RAB39A: variants seen among roughly 807,000 people sequenced by gnomAD.
RAB39A encodes the protein ras-related protein Rab-39A.
Under a neutral mutation model 20.9 loss-of-function variants are expected in RAB39A, and 17 were observed. That is an observed-to-expected ratio of 0.81 (90% CI 0.56 to 1.22). RAB39A has a LOEUF of 1.22. Among genes scored for constraint, RAB39A ranks in the 50% most tolerant of loss-of-function variants. RAB39A has a pLI of 0.00. For missense variants in RAB39A, 234 were observed against 270.5 expected, an observed-to-expected ratio of 0.87 and a Z score of 0.95; for synonymous variants, 99 against 103.4, an observed-to-expected ratio of 0.96 and a Z score of 0.26.
intron 1 of RAB39A, among the ~76,000 whole-genome samples, chr11:107,961,609 C>G (rs992438323): frequency 3.3e-5 from 5 of 152,134 alleles, no homozygotes; most frequent in African/African-American, 1.2e-4. Context: ...TTTACTCAGT[C>G]TTTCAATATG....
intron 1 of RAB39A, among the ~76,000 whole-genome samples, chr11:107,933,806 G>A (rs956320743): frequency 2.6e-5 from 4 of 151,192 alleles, no homozygotes; most frequent in African/African-American, 7.3e-5. Context: ...GATTACAGGC[G>A]CCCCAAGCTC....
chr11:107,928,512 G>T lies in RAB39A; in HGVS notation c.-57G>T. 2 of 1,329,586 alleles carry T rather than the reference G, an allele frequency of 1.5e-6. No homozygotes were observed. Among genetic ancestry groups the T allele is most frequent in the Non-Finnish European group, 1.0e-6 (1 of 1,004,940 alleles). The allele number at this position is 1,329,586 out of a possible 1,614,324, so 82.4% of individuals were successfully genotyped here. A position where few individuals can be genotyped will look rare whatever the true frequency, so the allele number is the denominator to read the frequency against. On this transcript the variant is annotated 5_prime_UTR_variant, in exon 1 of 2. Transcript: ENST00000320578. The surrounding 1 kb of genome is among the most constrained non-coding windows in gnomAD (Gnocchi z 4.9). ...GCGAGGTGCTGAAAGGACAGTTCCC[G>T]CCGCCGAACTTAGCCCGCGGGTGGG... is the stretch of plus-strand genomic sequence containing the variant.
Position 107,962,044 on chromosome 11 carries a change from A to G in RAB39A, c.326A>G (p.Glu109Gly). 6.2e-7 allele frequency: 1 copy of G among 1,614,140 alleles called. No individual in the cohort carries two copies. The highest frequency in any genetic ancestry group is 8.5e-7 in the Non-Finnish European group (1 of 1,180,000). ...TTTGAACATGTGAAAGATTGGCTAG[A>G]AGAAGCAAAAATGTATGTACAGCCA... ...RSFEHVKDWL[E>G]EAKMYVQPFR... is the part of the protein sequence containing the mutation. Residue 109 changes from glutamate (E) to glycine (G), a missense_variant, in exon 2 of 2, where the codon GAA becomes GGA. By Grantham distance (98) the Glu-to-Gly change is moderately conservative. Coordinates refer to ENST00000320578, the MANE Select transcript of RAB39A (RefSeq NM_017516.3).
At chr11:107,936,281 T>C (rs1270141879) in intron 1 of RAB39A, among the ~76,000 whole-genome samples, 1 of 152,148 alleles carries the variant, frequency 6.6e-6, no homozygotes, top group Non-Finnish European at 1.5e-5. Flanking sequence ...CTTATTTTTA[T>C]TTTTTCTTTA....
Position 107,928,669 on chromosome 11 carries a change from C to T in RAB39A, c.101C>T (p.Pro34Leu). ...CACCGCTTCACCCAGGGCCGCTTCC[C>T]CGGGCTGCGCTCCCCCGCCTGCGAC... ...LLHRFTQGRF[P>L]GLRSPACDPT... Residue 34 changes from proline to leucine, a missense_variant, in exon 1 of 2, where the codon CCC becomes CTC. Coordinates refer to ENST00000320578, the MANE Select transcript of RAB39A (RefSeq NM_017516.3). The surrounding 1 kb of genome is among the most constrained non-coding windows in gnomAD (Gnocchi z 4.9). 2 of 1,612,536 alleles carry T rather than the reference C, an allele frequency of 1.2e-6. No individual in the cohort carries two copies. Among genetic ancestry groups the T allele is most frequent in the Non-Finnish European group, 1.7e-6 (2 of 1,179,136 alleles).
rs1197947232 is a variant in RAB39A at position 107,963,234 on chromosome 11, C to A, written c.*862C>A. On this transcript the variant is annotated 3_prime_UTR_variant, in exon 2 of 2. Coordinates refer to ENST00000320578, the MANE Select transcript of RAB39A (RefSeq NM_017516.3). ...TGCAGATGTGCGCCACCATGCCCGG[C>A]TAATTTTTGTATTATAAGTAGACAC... The A allele has an allele frequency of 1.3e-5, 2 of 151,996 alleles. No individual in the cohort carries two copies. Among genetic ancestry groups the A allele is most frequent in the Non-Finnish European group, 1.5e-5 (1 of 68,020 alleles). The allele number at this position is 151,996 out of a possible 1,614,324, so 9.4% of individuals were successfully genotyped here.
chr11:107,960,310 G>A (rs1861482854), intron 1 of RAB39A, among the ~76,000 whole-genome samples: 1 of 152,072 alleles, frequency 6.6e-6, no homozygotes, highest in Admixed American at 6.6e-5. Context: ...AGCATATCAA[G>A]AAAATTAAGA....
chr11:107,936,024 C>G (rs915254856), intron 1 of RAB39A, among the ~76,000 whole-genome samples: 15 of 151,048 alleles, frequency 9.9e-5, no homozygotes, highest in African/African-American at 2.2e-4. Flanking sequence ...TCCAGCCTCC[C>G]AAGTAGCTGG....
intron 1 of RAB39A, among the ~76,000 whole-genome samples, chr11:107,937,523 G>A (rs535075646): frequency 1.3e-5 from 2 of 151,246 alleles, no homozygotes; most frequent in African/African-American, 4.8e-5. Flanking sequence ...GTGTTTGGAA[G>A]TATGGAATTA....
chr11:107,958,986 G>C (rs893879441), intron 1 of RAB39A, among the ~76,000 whole-genome samples: 2 of 151,950 alleles, frequency 1.3e-5, no homozygotes, highest in African/African-American at 2.4e-5. Context: ...TGGGCATGGT[G>C]GTGGGCGCCT....
chr11:107,946,087 G>A (rs1457965509), intron 1 of RAB39A, among the ~76,000 whole-genome samples: 3 of 151,800 alleles, frequency 2.0e-5, no homozygotes, highest in Non-Finnish European at 4.4e-5. Flanking sequence ...TCATCTTACA[G>A]TGAGGCATTT....
chr11:107,958,750 T>G (rs1046805270), intron 1 of RAB39A, among the ~76,000 whole-genome samples: 1 of 152,090 alleles, frequency 6.6e-6, no homozygotes, highest in Non-Finnish European at 1.5e-5. Flanking sequence ...TCTAAATGTG[T>G]TTTCAAAATT....
At chr11:107,943,735 A>C (rs1470857482) in intron 1 of RAB39A, among the ~76,000 whole-genome samples, 2 of 152,202 alleles carry the variant, frequency 1.3e-5, no homozygotes, top group African/African-American at 4.8e-5. Context: ...TCCAGGCTAC[A>C]CTGCTATAAC....
At chr11:107,949,939 G>C (rs1861358187) in intron 1 of RAB39A, among the ~76,000 whole-genome samples, 1 of 151,810 alleles carries the variant, frequency 6.6e-6, no homozygotes, top group Admixed American at 6.6e-5. Context: ...TTGGGAGGCC[G>C]AGGCGGGCGT....
intron 1 of RAB39A, among the ~76,000 whole-genome samples, chr11:107,957,170 C>A (rs565174993): frequency 4.6e-5 from 7 of 152,304 alleles, no homozygotes; most frequent in African/African-American, 1.7e-4. Context: ...TGACACCAGG[C>A]AGCTCATCCA....
Position 107,935,378 on chromosome 11 carries a change from CT to C in RAB39A, c.227+6596del, listed in dbSNP as rs1160701453. 3.6e-3 allele frequency among the ~76,000 whole-genome samples: 514 copies of C among 142,066 alleles called. 2 individuals are homozygous for C. Among genetic ancestry groups the C allele is most frequent in the Middle Eastern group, 0.011 (3 of 280 alleles). 93.2% of individuals were successfully genotyped at this position (142,066 alleles called of 152,430 possible). A position where few individuals can be genotyped will look rare whatever the true frequency, so the allele number is the denominator to read the frequency against. On this transcript the variant is annotated intron_variant, in intron 1 of 1. Coordinates refer to ENST00000320578, the MANE Select transcript of RAB39A (RefSeq NM_017516.3). Reference sequence around the variant, plus strand: ...TAAAGGATTAATTTTCTTTCTTCTTCTTTTTTTTTTTTTGGAGACAGAGTCT... The same window carrying C: ...TAAAGGATTAATTTTCTTTCTTCTTCTTTTTTTTTTTTGGAGACAGAGTCT...
At chr11:107,942,885 C>T (rs1219563687) in intron 1 of RAB39A, among the ~76,000 whole-genome samples, 1 of 152,148 alleles carries the variant, frequency 6.6e-6, no homozygotes, top group Admixed American at 6.6e-5. Context: ...TACAACTCAA[C>T]TTCCCATCCC....
At chr11:107,953,173 T>C (rs1445965101) in intron 1 of RAB39A, among the ~76,000 whole-genome samples, 1 of 149,794 alleles carries the variant, frequency 6.7e-6, no homozygotes, top group Non-Finnish European at 1.5e-5. Flanking sequence ...GATCTCATGC[T>C]ATGTGTGCTT....
chr11:107,946,546 T>C (rs1861320652), intron 1 of RAB39A, among the ~76,000 whole-genome samples: 1 of 136,678 alleles, frequency 7.3e-6, no homozygotes, highest in African/African-American at 2.7e-5. Flanking sequence ...TATCTCAGCT[T>C]GCTGCAAGCT....
Sources: gnomAD v4.1 joint callset for allele counts (sites outside exome capture counted in the v4.1 genomes callset) on GRCh38, gnomAD v4.1.1 for gene constraint, Gnocchi (gnomAD v3.1) non-coding constraint, MANE v1.5 for transcripts, NCBI Gene and HGNC (gene_info 2026-07-23, HGNC 2026-07-21) for gene names.